Variants in NAPB observed in about 807,000 individuals in gnomAD.
NAPB encodes NSF attachment protein beta, also known as beta-soluble NSF attachment protein.
A neutral mutation model predicts 44.7 loss-of-function variants in NAPB; 26 were observed. The observed-to-expected ratio is 0.58, with a 90% CI of 0.43 to 0.81. The LOEUF (loss-of-function observed/expected upper bound fraction) is 0.81, where lower values mean the gene tolerates loss of function less well. Ranked by LOEUF, NAPB falls within the 30% of genes least tolerant of loss-of-function variation. NAPB has a pLI of 0.00. For missense variants in NAPB, 315 were observed against 356.4 expected, an observed-to-expected ratio of 0.88 and a Z score of 0.94; for synonymous variants, 120 against 116.8, an observed-to-expected ratio of 1.03 and a Z score of -0.18.
At chr20:23,392,053 G>GATGC (rs1265902443) in intron 5 of NAPB, among the ~76,000 whole-genome samples, 2 of 152,196 alleles carry the variant, frequency 1.3e-5, no homozygotes, top group African/African-American at 2.4e-5. Flanking sequence ...TTTCATTTGT[G>GATGC]ATGCACTTTG....
chr20:23,410,172 A>G (rs1700676720), intron 1 of NAPB, among the ~76,000 whole-genome samples: 1 of 152,216 alleles, frequency 6.6e-6, no homozygotes, highest in South Asian at 2.1e-4. Context: ...TCTTGAAACA[A>G]AAGAGTATCA....
chr20:23,379,362 A>T (rs1600556147), intron 10 of NAPB, 83 bp downstream of exon 10: 1 of 1,073,020 alleles, frequency 9.3e-7, no homozygotes, highest in Non-Finnish European at 1.4e-6. Flanking sequence ...ATAAATGTTT[A>T]GAATTCACAT....
At chr20:23,391,055 C>T (rs1983919208) in intron 5 of NAPB, among the ~76,000 whole-genome samples, 1 of 152,164 alleles carries the variant, frequency 6.6e-6, no homozygotes, top group Admixed American at 6.6e-5. Context: ...TGGCTCATGC[C>T]TGTAATCCCA....
intron 1 of NAPB, among the ~76,000 whole-genome samples, chr20:23,408,211 T>TG (rs1217616106): frequency 6.6e-6 from 1 of 152,182 alleles, no homozygotes; most frequent in Non-Finnish European, 1.5e-5. Context: ...AAAAGGGACT[T>TG]GCCCAGTGTG....
intron 7 of NAPB, among the ~76,000 whole-genome samples, chr20:23,383,878 T>C (rs1983248792): frequency 6.6e-6 from 1 of 152,122 alleles, no homozygotes; most frequent in Non-Finnish European, 1.5e-5. Context: ...AGAGGAAACA[T>C]TAAGACAACT....
chr20:23,403,043 T>G lies in NAPB; in HGVS notation c.128A>C (p.Glu43Ala). ...CATATTTGCAGCTCTGGTATACATT[T>G]CACAAGCCTCTTCTATTCTTGTGTT... ...GGNTRIEEAC[E>A]MYTRAANMFK... Residue 43 changes from glutamate (E) to alanine (A), a missense_variant, in exon 2 of 11, where the codon GAA becomes GCA. Physicochemically the swap from Glu to Ala is moderately radical, Grantham distance 107. Around this residue, in one of 3 missense-constraint regions of NAPB, gnomAD observed 179 missense variants for 182.5 expected, o/e 0.98. Transcript: ENST00000377026. 3.1e-6 allele frequency: 5 copies of G among 1,613,914 alleles called. No homozygotes were observed. The highest frequency in any genetic ancestry group is 4.2e-6 in the Non-Finnish European group (5 of 1,179,922).
Position 23,394,979 on chromosome 20 carries a change from G to C in NAPB, c.363C>G (p.Ala121=). The C allele has an allele frequency of 1.2e-6, 2 of 1,614,142 alleles. No individual in the cohort carries two copies. The highest frequency in any genetic ancestry group is 2.2e-5 in the South Asian group (2 of 91,084). ...TCTCTGCAATAGTAATGTGGTGCTT[G>C]GCTGCAATTGTAAACCTTCCCTAGG... ...YTDMGRFTIA[A]KHHITIAEIY... Residue 121 remains alanine, a synonymous_variant, in exon 5 of 11, where the codon GCC becomes GCG. Coordinates refer to ENST00000377026, the MANE Select transcript of NAPB (RefSeq NM_022080.3).
chr20:23,407,165 C>T (rs114453226), intron 1 of NAPB, among the ~76,000 whole-genome samples: 29 of 152,336 alleles, frequency 1.9e-4, no homozygotes, highest in African/African-American at 7.0e-4. Context: ...TTTAAAAACC[C>T]ATTTGTCATA....
At chr20:23,377,595 TC>T in intron 10 of NAPB, 109 bp from the exon 11 acceptor site, 5 of 494,622 alleles carry the variant, frequency 1.0e-5, no homozygotes, top group Non-Finnish European at 1.7e-5. Flanking sequence ...CTACTAACTT[TC>T]TTCATCATTT....
At chr20:23,390,367 G>T in intron 5 of NAPB, 103 bp from the exon 6 acceptor site, 2 of 951,656 alleles carry the variant, frequency 2.1e-6, no homozygotes, top group Non-Finnish European at 3.3e-6. Flanking sequence ...TACTCTACCA[G>T]CAAACTTTTC....
At chr20:23,391,138 T>C (rs551771567) in intron 5 of NAPB, among the ~76,000 whole-genome samples, 1 of 152,124 alleles carries the variant, frequency 6.6e-6, no homozygotes, top group Non-Finnish European at 1.5e-5. Context: ...GGTGAAACCC[T>C]GTCTCTACTA....
chr20:23,386,617 AC>A (rs777330735), intron 7 of NAPB, among the ~76,000 whole-genome samples: 2 of 152,222 alleles, frequency 1.3e-5, no homozygotes, highest in Non-Finnish European at 2.9e-5. Flanking sequence ...ATGTCACTGG[AC>A]CCCAATAAAA....
chr20:23,390,173 A>G, intron 6 of NAPB, 36 bp downstream of exon 6: 1 of 1,555,984 alleles, frequency 6.4e-7, no homozygotes, highest in Non-Finnish European at 8.9e-7. Flanking sequence ...CACATAATAA[A>G]ACCCATTAAA....
intron 2 of NAPB, among the ~76,000 whole-genome samples, chr20:23,399,469 C>T (rs887072514): frequency 3.3e-5 from 5 of 152,224 alleles, no homozygotes; most frequent in African/African-American, 1.2e-4. Context: ...ACGGGATCTG[C>T]TGGCACCTTG....
At chr20:23,410,331 A>T (rs1219904830) in intron 1 of NAPB, among the ~76,000 whole-genome samples, 1 of 152,208 alleles carries the variant, frequency 6.6e-6, no homozygotes, top group East Asian at 1.9e-4. Flanking sequence ...AACACATGCT[A>T]TTGTGTGTCC....
intron 7 of NAPB, among the ~76,000 whole-genome samples, chr20:23,384,955 C>T (rs1983359522): frequency 6.6e-6 from 1 of 152,070 alleles, no homozygotes; most frequent in Admixed American, 6.5e-5. Flanking sequence ...CCTGTCTCTA[C>T]TAAAAATACA....
At chr20:23,393,643 T>C (rs1984136539) in intron 5 of NAPB, among the ~76,000 whole-genome samples, 1 of 152,070 alleles carries the variant, frequency 6.6e-6, no homozygotes. Context: ...ATGAGAATGA[T>C]GAGCAAGCAT....
chr20:23,389,822 A>C, intron 7 of NAPB, 124 bp downstream of exon 7: 1 of 760,110 alleles, frequency 1.3e-6, no homozygotes, highest in Non-Finnish European at 2.2e-6. Flanking sequence ...AACAGACTAA[A>C]AACCGCTGAA....
chr20:23,415,635 C>T (rs1190908111), intron 1 of NAPB, among the ~76,000 whole-genome samples: 3 of 151,928 alleles, frequency 2.0e-5, no homozygotes, highest in Non-Finnish European at 2.9e-5. Flanking sequence ...ACTTTTCTAC[C>T]GTGTACAGCT....
Sources: allele counts gnomAD v4.1 joint callset (sites outside exome capture counted in the v4.1 genomes callset), GRCh38; gene constraint gnomAD v4.1.1; regional missense constraint gnomAD v4.1.1; transcripts MANE v1.5; gene names NCBI Gene and HGNC (gene_info 2026-07-23, HGNC 2026-07-21).